The following TENT5C variants were observed in gnomAD, a reference collection of about 807,000 sequenced individuals.
TENT5C encodes terminal nucleotidyltransferase 5C.
Under a neutral mutation model 22.2 loss-of-function variants are expected in TENT5C, and 5 were observed. The ratio of observed to expected loss-of-function variants is 0.22; its 90% CI spans 0.12 to 0.47. The LOEUF is 0.47. TENT5C is among the 20% of genes least tolerant of loss of function. The pLI is 0.99. For synonymous variants in TENT5C, 199 were observed against 195.4 expected (o/e 1.02, Z -0.15); for missense variants, 364 against 500.9 (o/e 0.73, Z 2.61).
In TENT5C at chr1:117,625,866, C is replaced by T. The variant is rs1396258829; in HGVS notation, c.*1822C>T. ...TTGTGCTACATTAGGTGACTAGAAG[C>T]CACTTCTTAGTGTAATCAGCTCCTG... On this transcript the variant is annotated 3_prime_UTR_variant, in exon 2 of 2. Transcript: ENST00000369448. The T allele has an allele frequency of 2.4e-5, 6 of 247,908 alleles. No individual in the cohort carries two copies. Among genetic ancestry groups the T allele is most frequent in the Non-Finnish European group, 4.2e-5 (5 of 118,090 alleles). The allele number at this position is 247,908 out of a possible 1,614,324, so 15.4% of individuals were successfully genotyped here. A position where few individuals can be genotyped will look rare whatever the true frequency, so the allele number is the denominator to read the frequency against.
At chr1:117,614,041 T>C (rs948680729) in intron 1 of TENT5C, among the ~76,000 whole-genome samples, 1 of 152,244 alleles carries the variant, frequency 6.6e-6, no homozygotes, top group African/African-American at 2.4e-5. Flanking sequence ...TAATCTAAGC[T>C]GCTATTCCAT....
Position 117,623,150 on chromosome 1 carries a change from C to A in TENT5C, c.282C>A (p.Ile94=). ...NGLGCKDLDL[I]FHVALPTEAE... is the part of the protein sequence containing the mutation. ...TGGGCTGCAAAGACCTGGACCTAATCTTCCATGTGGCTCTTCCAACAGAGG... is the reference window on the plus strand; with the variant it reads ...TGGGCTGCAAAGACCTGGACCTAATATTCCATGTGGCTCTTCCAACAGAGG... Residue 94 remains isoleucine (I), a synonymous_variant, in exon 2 of 2, where the codon ATC becomes ATA. Coordinates refer to ENST00000369448, the MANE Select transcript of TENT5C (RefSeq NM_017709.4). The A allele has an allele frequency of 6.2e-7, 1 of 1,614,220 alleles. No homozygotes were observed. Among genetic ancestry groups the A allele is most frequent in the South Asian group, 1.1e-5 (1 of 91,078 alleles).
intron 1 of TENT5C, among the ~76,000 whole-genome samples, chr1:117,617,314 A>G (rs949019497): frequency 6.6e-6 from 1 of 151,838 alleles, no homozygotes; most frequent in Non-Finnish European, 1.5e-5. Flanking sequence ...ACTTTTTCTC[A>G]GGGACCTTGG....
intron 1 of TENT5C, among the ~76,000 whole-genome samples, chr1:117,620,068 T>C (rs985782745): frequency 4.6e-5 from 7 of 152,296 alleles, no homozygotes; most frequent in African/African-American, 1.7e-4. Flanking sequence ...TTAAAATATA[T>C]GAAAACTCTC....
At position 117,623,389 on chromosome 1, in the gene TENT5C, G is replaced by A. The variant is rs750792861; in HGVS notation, c.521G>A (p.Arg174Gln). The A allele has an allele frequency of 5.6e-6, 9 of 1,614,078 alleles. No homozygotes were observed. The highest frequency in any genetic ancestry group is 3.3e-5 in the Admixed American group (2 of 60,020). ...GAGCTGAAGTTTGTCGACTCCATTC[G>A]GCGTCAGTTTGAGTTCAGTGTGGAC... ...NVELKFVDSIRRQFEFSVDSF... is the reference protein window; with the variant it reads ...NVELKFVDSIQRQFEFSVDSF... Residue 174 changes from arginine (R) to glutamine (Q), a missense_variant, in exon 2 of 2, where the codon CGG becomes CAG. Coordinates refer to ENST00000369448, the MANE Select transcript of TENT5C (RefSeq NM_017709.4).
intron 1 of TENT5C, among the ~76,000 whole-genome samples, chr1:117,617,015 A>G (rs377501219): frequency 6.6e-6 from 1 of 152,194 alleles, no homozygotes; most frequent in African/African-American, 2.4e-5. Flanking sequence ...CAAAATAAGA[A>G]TTAATGTTGC....
chr1:117,615,172 T>C (rs1360248251), intron 1 of TENT5C, among the ~76,000 whole-genome samples: 1 of 152,222 alleles, frequency 6.6e-6, no homozygotes, highest in Non-Finnish European at 1.5e-5. Flanking sequence ...CAAACTTCTT[T>C]CCTACCATCT....
intron 1 of TENT5C, among the ~76,000 whole-genome samples, chr1:117,606,605 C>T (rs1419037161): frequency 2.0e-5 from 3 of 152,178 alleles, no homozygotes; most frequent in East Asian, 1.9e-4. Context: ...CCCTCGGGCT[C>T]GCCCCGGCGC....
chr1:117,627,753 G>T lies in TENT5C; in HGVS notation c.*3709G>T, dbSNP rs757959240. 3.2e-5 allele frequency: 8 copies of T among 247,938 alleles called. No individual in the cohort carries two copies. The highest frequency in any genetic ancestry group is 5.9e-5 in the Non-Finnish European group (7 of 118,164). 15.4% of individuals were successfully genotyped at this position (247,938 alleles called of 1,614,324 possible). On this transcript the variant is annotated 3_prime_UTR_variant, in exon 2 of 2. Coordinates refer to ENST00000369448, the MANE Select transcript of TENT5C (RefSeq NM_017709.4). ...AGAGGACCAAGTCGTGGGGGAGGGG[G>T]GCGGTGTTGAGGAGAGGTATTTTTA...
rs1203608961 is a variant in TENT5C, at chr1:117,625,313, T to C, written c.*1269T>C. On this transcript the variant is annotated 3_prime_UTR_variant, in exon 2 of 2. Coordinates refer to ENST00000369448, the MANE Select transcript of TENT5C (RefSeq NM_017709.4). ...GAGCTTCCAAGGCACTTTGAAATCATTCCAGTATATTTGGGAAGAATTGAG... is the reference window on the plus strand; with the variant it reads ...GAGCTTCCAAGGCACTTTGAAATCACTCCAGTATATTTGGGAAGAATTGAG... 2 of 248,052 alleles carry C rather than the reference T, an allele frequency of 8.1e-6. No homozygotes were observed. Among genetic ancestry groups the C allele is most frequent in the African/African-American group, 4.4e-5 (2 of 45,360 alleles). 15.4% of individuals were successfully genotyped at this position (248,052 alleles called of 1,614,324 possible). A position where few individuals can be genotyped will look rare whatever the true frequency, so the allele number is the denominator to read the frequency against.
intron 1 of TENT5C, among the ~76,000 whole-genome samples, chr1:117,608,102 A>G (rs1033002409): frequency 5.3e-5 from 8 of 151,324 alleles, no homozygotes; most frequent in African/African-American, 1.9e-4. Context: ...AAACTCTGCC[A>G]GGAGGCCTCT....
Position 117,624,163 on chromosome 1 carries a change from G to GTT in TENT5C, c.*119_*120insTT. On this transcript the variant is annotated 3_prime_UTR_variant, in exon 2 of 2. Transcript: ENST00000369448. Reference sequence around the variant, plus strand: ...TAAAGGGGAACTCAGCTCTGATTCTGCTTTTTTTTTTTTTTTTCCTTTGTG... The same window carrying GTT: ...TAAAGGGGAACTCAGCTCTGATTCTGTTCTTTTTTTTTTTTTTTTCCTTTGTG... The GTT allele has an allele frequency of 4.2e-6, 3 of 714,498 alleles. No individual in the cohort carries two copies. The highest frequency in any genetic ancestry group is 3.3e-5 in the Admixed American group (1 of 29,928). The allele number at this position is 714,498 out of a possible 1,614,324, so 44.3% of individuals were successfully genotyped here.
At chr1:117,612,735 A>G (rs1653696582) in intron 1 of TENT5C, among the ~76,000 whole-genome samples, 1 of 152,192 alleles carries the variant, frequency 6.6e-6, no homozygotes, top group Non-Finnish European at 1.5e-5. Flanking sequence ...ACACTTAGAC[A>G]CTTGTGAATG....
Position 117,623,789 on chromosome 1 carries a change from C to T in TENT5C, c.921C>T (p.Leu307=), listed in dbSNP as rs1653949566. The change falls in exon 2 of 2, where the codon CTC becomes CTT. Residue 307 remains leucine (L), a synonymous_variant. Transcript: ENST00000369448. The stretch of plus-strand genomic sequence containing the variant: ...AAGAGAGAAGCAAGTACGACTACCT[C>T]ATGATCCTTCGCAGGGTGGTGAACG... The part of the protein sequence containing the change: ...AEEERSKYDY[L]MILRRVVNES... The T allele has an allele frequency of 1.2e-6, 2 of 1,614,188 alleles. No homozygotes were observed. Among genetic ancestry groups the T allele is most frequent in the East Asian group, 2.2e-5 (1 of 44,884 alleles).
At chr1:117,615,907 G>A (rs140040343) in intron 1 of TENT5C, among the ~76,000 whole-genome samples, 195 of 152,286 alleles carry the variant, frequency 1.3e-3, no homozygotes, top group Middle Eastern at 3.4e-3. Flanking sequence ...TAGGTCTCAC[G>A]GTTACATAGT....
At chr1:117,613,204 T>TTG (rs3835645) in intron 1 of TENT5C, among the ~76,000 whole-genome samples, 26,483 of 152,174 alleles carry the variant, frequency 0.17, 2,365 homozygotes, top group Admixed American at 0.25. Flanking sequence ...CCATTTCAAG[T>TTG]TGTGTGTGTA....
chr1:117,612,717 G>A (rs1653696303), intron 1 of TENT5C, among the ~76,000 whole-genome samples: 1 of 152,220 alleles, frequency 6.6e-6, no homozygotes, highest in African/African-American at 2.4e-5. Context: ...TGAAATGGAG[G>A]TCAGCTCACA....
At chr1:117,617,751 A>C (rs1234246994) in intron 1 of TENT5C, among the ~76,000 whole-genome samples, 1 of 152,248 alleles carries the variant, frequency 6.6e-6, no homozygotes, top group African/African-American at 2.4e-5. Flanking sequence ...GGATTATATC[A>C]GTGTTGATTT....
intron 1 of TENT5C, among the ~76,000 whole-genome samples, chr1:117,606,614 G>C (rs1007920452): frequency 4.6e-5 from 7 of 152,062 alleles, no homozygotes; most frequent in Admixed American, 2.6e-4. Flanking sequence ...TCGCCCCGGC[G>C]CTCCCGCGGG....
Sources: allele counts gnomAD v4.1 joint callset (sites outside exome capture counted in the v4.1 genomes callset), GRCh38; gene constraint gnomAD v4.1.1; transcripts MANE v1.5; gene names NCBI Gene and HGNC (gene_info 2026-07-23, HGNC 2026-07-21).